The following GABRA5 variants were observed in gnomAD, a reference collection of about 807,000 sequenced individuals.
GABRA5 encodes gamma-aminobutyric acid type A receptor subunit alpha5, also known as gamma-aminobutyric acid receptor subunit alpha-5.
In GABRA5, 18 loss-of-function variants were observed where a neutral mutation model predicts 47.3. The observed-to-expected ratio is 0.38, with a 90% CI of 0.26 to 0.56. The LOEUF (loss-of-function observed/expected upper bound fraction) is 0.56. Ranked by LOEUF, GABRA5 falls within the 20% of genes least tolerant of loss-of-function variation. The pLI, the probability that GABRA5 is intolerant of heterozygous loss-of-function variation, is 0.71. For synonymous variants in GABRA5, 237 were observed against 229.3 expected (o/e 1.03, Z -0.30); for missense variants, 365 against 599.3 (o/e 0.61, Z 4.08).
intron 9 of GABRA5, among the ~76,000 whole-genome samples, chr15:26,941,790 C>A (rs1019803689): frequency 6.6e-6 from 1 of 152,194 alleles, no homozygotes; most frequent in Non-Finnish European, 1.5e-5. Flanking sequence ...CACTCCCGCC[C>A]TCACACGGCA....
At chr15:26,894,111 G>A (rs1466451272) in intron 6 of GABRA5, among the ~76,000 whole-genome samples, 1 of 152,138 alleles carries the variant, frequency 6.6e-6, no homozygotes, top group Non-Finnish European at 1.5e-5. Flanking sequence ...CTGGAGCGCA[G>A]CGGCCCGGGC....
In GABRA5 at chr15:26,948,361, A is replaced by T; in HGVS notation, c.*128A>T. The T allele has an allele frequency of 1.3e-6, 1 of 773,042 alleles. No individual in the cohort carries two copies. Among genetic ancestry groups the T allele is most frequent in the Non-Finnish European group, 2.1e-6 (1 of 483,162 alleles). The allele number at this position is 773,042 out of a possible 1,614,324, so 47.9% of individuals were successfully genotyped here. A position where few individuals can be genotyped will look rare whatever the true frequency, so the allele number is the denominator to read the frequency against. ...AGGAAATTTTTGCATGTTTAATAAT[A>T]TGTACAAATAATATTGCCTTGATGT... On this transcript the variant is annotated 3_prime_UTR_variant, in exon 11 of 11. Coordinates refer to ENST00000335625, the MANE Select transcript of GABRA5 (RefSeq NM_000810.4).
At chr15:26,879,832 A>G (rs926041111) in intron 3 of GABRA5, among the ~76,000 whole-genome samples, 7 of 152,202 alleles carry the variant, frequency 4.6e-5, no homozygotes, top group Non-Finnish European at 1.0e-4. Flanking sequence ...TCAGGGAAGT[A>G]CCAGGAATCA....
chr15:26,879,971 C>T (rs1307474909), intron 3 of GABRA5, among the ~76,000 whole-genome samples: 1 of 152,156 alleles, frequency 6.6e-6, no homozygotes, highest in Non-Finnish European at 1.5e-5. Flanking sequence ...TTGCTATTTG[C>T]ACATCTGAAA....
At chr15:26,914,230 T>G (rs1893668446) in intron 6 of GABRA5, among the ~76,000 whole-genome samples, 1 of 151,914 alleles carries the variant, frequency 6.6e-6, no homozygotes, top group African/African-American at 2.4e-5. Context: ...CTATACAGTT[T>G]CATATTGGCC....
At chr15:26,899,781 T>C (rs1893283093) in intron 6 of GABRA5, among the ~76,000 whole-genome samples, 1 of 152,316 alleles carries the variant, frequency 6.6e-6, no homozygotes, top group African/African-American at 2.4e-5. Context: ...TTTATGGTTT[T>C]GGAACTAAAA....
intron 7 of GABRA5, among the ~76,000 whole-genome samples, chr15:26,932,117 A>G (rs897730537): frequency 2.6e-5 from 4 of 152,240 alleles, no homozygotes; most frequent in African/African-American, 9.6e-5. Flanking sequence ...AAATTGACAA[A>G]TGGGACCTAA....
In GABRA5 at chr15:26,883,598, C is replaced by T. The variant is rs771519220; in HGVS notation, c.497+41C>T. 9.2e-6 allele frequency: 13 copies of T among 1,412,612 alleles called. No individual in the cohort carries two copies. Among genetic ancestry groups the T allele is most frequent in the South Asian group, 9.0e-5 (7 of 77,528 alleles). The allele number at this position is 1,412,612 out of a possible 1,614,324, so 87.5% of individuals were successfully genotyped here. ...GGGCGGGCGGGGCCGGGGGACGGTGCGGGGCAGGCGCGGCTGCCCATCCTG... is the reference window on the plus strand; with the variant it reads ...GGGCGGGCGGGGCCGGGGGACGGTGTGGGGCAGGCGCGGCTGCCCATCCTG... On this transcript the variant is annotated intron_variant, in intron 6 of 10. Coordinates refer to ENST00000335625, the MANE Select transcript of GABRA5 (RefSeq NM_000810.4). The surrounding 1 kb of genome is among the most constrained non-coding windows in gnomAD (Gnocchi z 4.8).
chr15:26,934,371 A>G (rs7169687), intron 7 of GABRA5, among the ~76,000 whole-genome samples: 11,659 of 152,190 alleles, frequency 0.077, 707 homozygotes, highest in African/African-American at 0.16. Flanking sequence ...AATTCCAAGA[A>G]CCTGTTACAT....
rs1892352976 is a variant in GABRA5, at chr15:26,867,664, G to C, written c.-140+553G>C. Among the ~76,000 whole-genome samples the C allele has an allele frequency of 1.3e-5, 2 of 152,002 alleles. No individual in the cohort carries two copies. The highest frequency in any genetic ancestry group is 2.4e-5 in the African/African-American group (1 of 41,398). ...GGCACCAGGGCGCGGTGACCGGTTG[G>C]GGGTGGGGGACACCCGTTGCCACCA... On this transcript the variant is annotated intron_variant, in intron 1 of 10. Coordinates refer to ENST00000335625, the MANE Select transcript of GABRA5 (RefSeq NM_000810.4). The surrounding 1 kb of genome is among the most constrained non-coding windows in gnomAD (Gnocchi z 5.9).
intron 6 of GABRA5, among the ~76,000 whole-genome samples, chr15:26,903,627 G>A (rs1033474526): frequency 2.6e-5 from 4 of 152,004 alleles, no homozygotes; most frequent in African/African-American, 9.7e-5. Flanking sequence ...GTTATTTTTT[G>A]ACCTTTTAGT....
chr15:26,935,651 C>G (rs1894220309), intron 7 of GABRA5, among the ~76,000 whole-genome samples: 1 of 152,230 alleles, frequency 6.6e-6, no homozygotes, highest in Non-Finnish European at 1.5e-5. Flanking sequence ...GCCACAGCCT[C>G]CACACTTCAC....
intron 6 of GABRA5, among the ~76,000 whole-genome samples, chr15:26,911,887 G>A (rs1003730640): frequency 3.9e-5 from 6 of 152,222 alleles, no homozygotes; most frequent in Admixed American, 1.3e-4. Flanking sequence ...TGTCTGGAGA[G>A]AAGACAACCA....
chr15:26,895,806 C>T (rs1399092247), intron 6 of GABRA5, among the ~76,000 whole-genome samples: 3 of 40,106 alleles, frequency 7.5e-5, no homozygotes, highest in African/African-American at 4.1e-4. Flanking sequence ...CAGAGCAAGA[C>T]TCCGTCAAAA....
At chr15:26,884,752 C>T (rs1360527528) in intron 6 of GABRA5, among the ~76,000 whole-genome samples, 2 of 152,168 alleles carry the variant, frequency 1.3e-5, no homozygotes, top group Non-Finnish European at 2.9e-5. Context: ...AGAGGTCTTA[C>T]AAGGGACTGC....
At chr15:26,943,516 CT>C in intron 10 of GABRA5, 90 bp downstream of exon 10, 1 of 1,190,250 alleles carries the variant, frequency 8.4e-7, no homozygotes. Context: ...GGTGCTGCTC[CT>C]TCCTACCCGC....
chr15:26,926,629 T>C (rs904167523), intron 7 of GABRA5, among the ~76,000 whole-genome samples: 1 of 152,202 alleles, frequency 6.6e-6, no homozygotes, highest in African/African-American at 2.4e-5. Context: ...CACTGATTGA[T>C]GTCTTTGAAA....
In GABRA5 at chr15:26,883,656, CA is replaced by C; in HGVS notation, c.497+100del. 1.0e-6 allele frequency: 1 copy of C among 992,586 alleles called. No individual in the cohort carries two copies. The highest frequency in any genetic ancestry group is 1.4e-6 in the Non-Finnish European group (1 of 700,952). The allele number at this position is 992,586 out of a possible 1,614,324, so 61.5% of individuals were successfully genotyped here. On this transcript the variant is annotated intron_variant, in intron 6 of 10. Transcript: ENST00000335625. This position sits in a 1 kb window ranked among gnomAD's most constrained non-coding sequence, Gnocchi z 4.8. Reference sequence around the variant, plus strand: ...AGCTGCGCCGCGGAGCTGTTCTGACCATAGGTCTGAGACTGCGGCGCGTGTG... The same window carrying C: ...AGCTGCGCCGCGGAGCTGTTCTGACCTAGGTCTGAGACTGCGGCGCGTGTG...
chr15:26,895,674 A>G (rs963073592), intron 6 of GABRA5, among the ~76,000 whole-genome samples: 1 of 151,820 alleles, frequency 6.6e-6, no homozygotes, highest in Non-Finnish European at 1.5e-5. Flanking sequence ...GTAGCCGGGC[A>G]TGGTGGCACT....
Sources: allele counts gnomAD v4.1 joint callset (sites outside exome capture counted in the v4.1 genomes callset), GRCh38; gene constraint gnomAD v4.1.1; non-coding constraint Gnocchi (gnomAD v3.1); transcripts MANE v1.5; gene names NCBI Gene and HGNC (gene_info 2026-07-23, HGNC 2026-07-21).